The following CFAP74 variants were observed in gnomAD, a reference collection of about 807,000 sequenced individuals.
CFAP74 encodes cilia and flagella associated protein 74.
A neutral mutation model predicts 188.9 loss-of-function variants in CFAP74; 124 were observed. The observed-to-expected ratio is 0.66, with a 90% CI of 0.57 to 0.76. The LOEUF is 0.76. Among genes scored for constraint, CFAP74 ranks in the 30% least tolerant of loss-of-function variants. CFAP74 has a pLI of 0.00. For synonymous variants in CFAP74, 956 were observed against 916.7 expected (o/e 1.04, Z -0.77); for missense variants, 2,198 against 2,165.2 (o/e 1.02, Z -0.30).
At chr1:1,949,508 T>C (rs549389399) in intron 18 of CFAP74, among the ~76,000 whole-genome samples, 23 of 151,368 alleles carry the variant, frequency 1.5e-4, no homozygotes, top group Admixed American at 7.9e-4. Flanking sequence ...TTATTTTTTA[T>C]TTTTTTAAGG....
chr1:1,954,521 T>G lies in CFAP74; in HGVS notation c.2176+1170A>C, dbSNP rs529457636. ...TCGGTGGGCTAGGCGAGGTGGCTCA[T>G]GCCTGTAATCCAGCACCTTGGGAGG... On this transcript the variant is annotated intron_variant, in intron 18 of 38. Transcript: ENST00000682832. 3 of 156,024 alleles carry G rather than the reference T, an allele frequency of 1.9e-5. No homozygotes were observed. The Admixed American group carries it at 2.0e-4, about 10-fold the overall frequency. The allele number at this position is 156,024 out of a possible 1,614,324, so 9.7% of individuals were successfully genotyped here.
intron 6 of CFAP74, among the ~76,000 whole-genome samples, chr1:1,983,138 G>A (rs939271217): frequency 1.3e-5 from 2 of 152,158 alleles, no homozygotes. Flanking sequence ...AGCGATCACG[G>A]AGGGGGAACG....
chr1:1,935,185 GGTTGTGGGTACACACGTGTACGTGGGT>G, intron 25 of CFAP74, among the ~76,000 whole-genome samples: 1 of 82,114 alleles, frequency 1.2e-5, no homozygotes, highest in African/African-American at 4.5e-5. Flanking sequence ...GTGGGTGTTA[GGTTGTGGGTACACACGTGTACGTGGGT>G]GTTGTAGGTA....
chr1:1,970,988 G>A (rs1015895646), intron 9 of CFAP74, among the ~76,000 whole-genome samples, 172 bp from the exon 10 acceptor site: 1 of 147,814 alleles, frequency 6.8e-6, no homozygotes, highest in African/African-American at 2.5e-5. Flanking sequence ...GCACACACGT[G>A]CACACACACA....
Position 1,927,024 on chromosome 1 carries a change from C to A in CFAP74, c.3532G>T (p.Asp1178Tyr). 3.2e-6 allele frequency: 5 copies of A among 1,550,206 alleles called. No individual in the cohort carries two copies. The highest frequency in any genetic ancestry group is 4.4e-6 in the Non-Finnish European group (5 of 1,146,860). Residue 1178 changes from aspartate (D) to tyrosine (Y), a missense_variant, in exon 29 of 39, where the codon GAC becomes TAC. Physicochemically the swap from Asp to Tyr is radical, Grantham distance 160. Transcript: ENST00000682832. ...MRKRELRPSS[D>Y]EYQAARATLL... ...GTGGCTCGGGCGGCCTGGTACTCGTCGGAACTAGAAGGAAGTCAGAGGCTT... is the reference window on the plus strand; with the variant it reads ...GTGGCTCGGGCGGCCTGGTACTCGTAGGAACTAGAAGGAAGTCAGAGGCTT...
rs116026264 is a variant in CFAP74 at position 2,001,918 on chromosome 1, G to A, written c.-20+1783C>T. On this transcript the variant is annotated intron_variant, in intron 1 of 38. Coordinates refer to ENST00000682832, the MANE Select transcript of CFAP74 (RefSeq NM_001304360.2). Reference sequence around the variant, plus strand: ...AGGTGTCAGGGTCATGACAGCCAAAGCAAGGCCAAGGAATGTTCTGGACTG... The same window carrying A: ...AGGTGTCAGGGTCATGACAGCCAAAACAAGGCCAAGGAATGTTCTGGACTG... Among the ~76,000 whole-genome samples the A allele has an allele frequency of 6.4e-3, 969 of 152,338 alleles. 13 individuals are homozygous for A. Among genetic ancestry groups the A allele is most frequent in the African/African-American group, 0.022 (921 of 41,580 alleles).
At position 1,926,955 on chromosome 1, in the gene CFAP74, G is replaced by A. The variant is rs376413676; in HGVS notation, c.3601C>T (p.Pro1201Ser). ...ATGTCGCCACTGGCAACAACACAGG[G>A]AACTACAAATGTGTCAAACTTCGCC... ...FQAKFDTFVV[P>S]CVVASGDIKD... The change falls in exon 29 of 39, where the codon CCC becomes TCC. Residue 1201 changes from proline to serine, a missense_variant. Pro to Ser is a moderately conservative substitution (Grantham distance 74, BLOSUM62 -1). Coordinates refer to ENST00000682832, the MANE Select transcript of CFAP74 (RefSeq NM_001304360.2). 6.5e-7 allele frequency: 1 copy of A among 1,550,296 alleles called. No homozygotes were observed. Among genetic ancestry groups the A allele is most frequent in the South Asian group, 1.2e-5 (1 of 84,060 alleles).
chr1:1,995,919 CAA>C (rs1189175924), intron 1 of CFAP74, among the ~76,000 whole-genome samples: 1 of 151,956 alleles, frequency 6.6e-6, no homozygotes, highest in African/African-American at 2.4e-5. Context: ...AACAAACAAA[CAA>C]AATGAAAACA....
intron 21 of CFAP74, 92 bp downstream of exon 21, chr1:1,944,239 A>G (rs1432245051): frequency 2.0e-6 from 3 of 1,474,880 alleles, no homozygotes; most frequent in Non-Finnish European, 2.7e-6. Context: ...GTGTGCGTGG[A>G]CAGGAGGGGG....
Position 1,979,283 on chromosome 1 carries a change from G to A in CFAP74, c.501-5085C>T, listed in dbSNP as rs1430007259. Among the ~76,000 whole-genome samples, 27 of 129,008 alleles carry A rather than the reference G, an allele frequency of 2.1e-4. 1 individual carries two copies. Among genetic ancestry groups the A allele is most frequent in the Admixed American group, 9.1e-4 (12 of 13,150 alleles). 84.6% of individuals were successfully genotyped at this position (129,008 alleles called of 152,430 possible). A position where few individuals can be genotyped will look rare whatever the true frequency, so the allele number is the denominator to read the frequency against. Reference sequence around the variant, plus strand: ...TGGGCGTGGGAAGGCGTCATGTGACGAGGCTGCACAGAACACGTGTGTCGT... The same window carrying A: ...TGGGCGTGGGAAGGCGTCATGTGACAAGGCTGCACAGAACACGTGTGTCGT... On this transcript the variant is annotated intron_variant, in intron 6 of 38. Transcript: ENST00000682832.
intron 6 of CFAP74, among the ~76,000 whole-genome samples, chr1:1,981,260 G>A (rs923226611): frequency 5.3e-5 from 8 of 152,200 alleles, no homozygotes; most frequent in Non-Finnish European, 8.8e-5. Context: ...CCCTGTGCCC[G>A]CAGTGCCCAG....
At chr1:2,001,789 G>A (rs1658223343) in intron 1 of CFAP74, among the ~76,000 whole-genome samples, 2 of 152,176 alleles carry the variant, frequency 1.3e-5, no homozygotes, top group East Asian at 1.9e-4. Context: ...TCACCTCTGC[G>A]ACTTTCCTGT....
chr1:1,996,779 G>A (rs1657934804), intron 1 of CFAP74, among the ~76,000 whole-genome samples: 1 of 151,676 alleles, frequency 6.6e-6, no homozygotes, highest in African/African-American at 2.4e-5. Context: ...AAATTAGCTG[G>A]GTGTGGTGGC....
intron 24 of CFAP74, 115 bp from the exon 25 acceptor site, chr1:1,939,103 T>A: frequency 8.8e-7 from 1 of 1,135,496 alleles, no homozygotes; most frequent in Non-Finnish European, 1.2e-6. Flanking sequence ...TGAGCGAATG[T>A]GAGGGTGAGA....
chr1:1,996,759 A>C (rs931530175), intron 1 of CFAP74, among the ~76,000 whole-genome samples: 1 of 151,684 alleles, frequency 6.6e-6, no homozygotes, highest in African/African-American at 2.4e-5. Flanking sequence ...CGTCTCTACT[A>C]AAAATACAAA....
chr1:1,972,827 G>C, intron 8 of CFAP74, 110 bp downstream of exon 8: 1 of 810,438 alleles, frequency 1.2e-6, no homozygotes, highest in East Asian at 2.7e-5. Context: ...GGGCGACAGA[G>C]CAAGGCTCCA....
intron 15 of CFAP74, 39 bp downstream of exon 15, chr1:1,959,925 C>T: frequency 1.3e-6 from 2 of 1,538,040 alleles, no homozygotes; most frequent in Non-Finnish European, 1.8e-6. Flanking sequence ...CACCCACCAC[C>T]ACCTCCCCTT....
At chr1:1,955,474 T>C (rs1040882585) in intron 18 of CFAP74, 11 of 1,575,424 alleles carry the variant, frequency 7.0e-6, no homozygotes, top group Non-Finnish European at 8.6e-6. Flanking sequence ...CTTCAAGTCT[T>C]CGGTTAGCGT....
Position 1,988,643 on chromosome 1 carries a change from T to A in CFAP74, c.165A>T (p.Glu55Asp). 1.2e-6 allele frequency: 2 copies of A among 1,608,996 alleles called. No homozygotes were observed. Among genetic ancestry groups the A allele is most frequent in the South Asian group, 2.2e-5 (2 of 91,072 alleles). The change falls in exon 4 of 39, where the codon GAA becomes GAT. Residue 55 changes from glutamate to aspartate, a missense_variant. Transcript: ENST00000682832. ...VDPGHSSSVKELDTDADKLKK... is the reference protein window; with the variant it reads ...VDPGHSSSVKDLDTDADKLKK... ...TCAATTTATCAGCATCAGTATCTAG[T>A]TCTTTCACTGAGCTTAGGATGAAAA...
Sources: gnomAD v4.1 joint callset for allele counts (sites outside exome capture counted in the v4.1 genomes callset) on GRCh38, gnomAD v4.1.1 for gene constraint, MANE v1.5 for transcripts, NCBI Gene and HGNC (gene_info 2026-07-23, HGNC 2026-07-21) for gene names.